ITPR1: variants seen among roughly 807,000 people sequenced by gnomAD.
ITPR1 encodes inositol 1,4,5-trisphosphate-gated calcium channel ITPR1.
A neutral mutation model predicts 318.4 loss-of-function variants in ITPR1; 96 were observed. The ratio of observed to expected loss-of-function variants is 0.30; its 90% confidence interval spans 0.26 to 0.36. The LOEUF (loss-of-function observed/expected upper bound fraction) is 0.36, where lower values mean the gene tolerates loss of function less well. ITPR1 is among the 10% of genes least tolerant of loss of function. The pLI, the probability that ITPR1 is intolerant of heterozygous loss-of-function variation, is 1.00. For missense variants in ITPR1, 2,440 were observed against 3,460.2 expected (o/e 0.71, Z 7.40); for synonymous variants, 1,312 against 1,289.9 (o/e 1.02, Z -0.37).
At chr3:4,645,172 G>A (rs2093426607) in intron 8 of ITPR1, among the ~76,000 whole-genome samples, 1 of 152,214 alleles carries the variant, frequency 6.6e-6, no homozygotes, top group Non-Finnish European at 1.5e-5. Flanking sequence ...TGGTTGGAAT[G>A]TGCATAGTGA....
intron 2 of ITPR1, among the ~76,000 whole-genome samples, chr3:4,504,963 CT>C (rs34078002): frequency 0.016 from 2,345 of 145,512 alleles, 29 homozygotes; most frequent in African/African-American, 0.04. Flanking sequence ...GGGCATACTC[CT>C]TTTTTTTTTT....
intron 30 of ITPR1, among the ~76,000 whole-genome samples, chr3:4,686,597 A>G (rs754952290): frequency 3.9e-5 from 6 of 152,118 alleles, no homozygotes; most frequent in African/African-American, 7.2e-5. Context: ...GGAATTGGTG[A>G]CTCAAAGGAA....
At chr3:4,724,088 A>G (rs1002266969) in intron 40 of ITPR1, among the ~76,000 whole-genome samples, 1 of 151,920 alleles carries the variant, frequency 6.6e-6, no homozygotes, top group Non-Finnish European at 1.5e-5. Flanking sequence ...TGTCCTTCCT[A>G]CCACCAGCAC....
intron 4 of ITPR1, among the ~76,000 whole-genome samples, chr3:4,594,485 G>T (rs371478955): frequency 2.0e-5 from 3 of 152,080 alleles, no homozygotes; most frequent in African/African-American, 7.2e-5. Flanking sequence ...TCCAGGTCTG[G>T]TGTGGCAGCT....
intron 4 of ITPR1, among the ~76,000 whole-genome samples, chr3:4,587,099 C>T (rs569344813): frequency 2.0e-5 from 3 of 152,226 alleles, no homozygotes; most frequent in South Asian, 2.1e-4. Flanking sequence ...TTTCGACGAC[C>T]GGCTTGCTTT....
At chr3:4,766,934 A>C (rs1472871832) in intron 45 of ITPR1, among the ~76,000 whole-genome samples, 1 of 152,228 alleles carries the variant, frequency 6.6e-6, no homozygotes, top group Non-Finnish European at 1.5e-5. Context: ...CTCTTGGTCG[A>C]GCTTAGGGTT....
intron 23 of ITPR1, among the ~76,000 whole-genome samples, 200 bp from the exon 24 acceptor site, chr3:4,676,414 G>A (rs932761122): frequency 6.6e-6 from 1 of 152,128 alleles, no homozygotes; most frequent in Non-Finnish European, 1.5e-5. Flanking sequence ...TGGGGATTTT[G>A]AAGCCCGTGA....
At chr3:4,534,725 A>G (rs2083704476) in intron 4 of ITPR1, among the ~76,000 whole-genome samples, 2 of 152,312 alleles carry the variant, frequency 1.3e-5, no homozygotes, top group South Asian at 2.1e-4. Context: ...TGCTAAAATT[A>G]TATGTGTCTA....
Position 4,826,704 on chromosome 3 carries a change from C to T in ITPR1, c.8028+8462C>T, listed in dbSNP as rs773619395. 2.6e-5 allele frequency among the ~76,000 whole-genome samples: 4 copies of T among 152,188 alleles called. No homozygotes were observed. The highest frequency in any genetic ancestry group is 2.1e-4 in the South Asian group (1 of 4,834). On this transcript the variant is annotated intron_variant, in intron 60 of 61. Transcript: ENST00000649015. This position sits in a 1 kb window ranked among gnomAD's most constrained non-coding sequence, Gnocchi z 4.2. Reference sequence around the variant, plus strand: ...GGGAGGATGAAATCACCCCTTGTTCCGTGCAGCACTTCACTGGCACTTTCC... The same window carrying T: ...GGGAGGATGAAATCACCCCTTGTTCTGTGCAGCACTTCACTGGCACTTTCC...
intron 43 of ITPR1, 23 bp downstream of exon 43, chr3:4,733,243 C>T (rs751500213): frequency 1.2e-6 from 2 of 1,611,944 alleles, no homozygotes; most frequent in Non-Finnish European, 1.7e-6. Context: ...GTGTAATTAC[C>T]TTCGTGTGTG....
intron 26 of ITPR1, 93 bp downstream of exon 26, chr3:4,681,511 C>A: frequency 1.1e-6 from 1 of 885,908 alleles, no homozygotes; most frequent in East Asian, 2.5e-5. Flanking sequence ...AATATTTAGT[C>A]TCTGGGCTTA....
At chr3:4,815,273 C>T in intron 59 of ITPR1, 55 bp downstream of exon 59, 1 of 1,565,670 alleles carries the variant, frequency 6.4e-7, no homozygotes, top group Non-Finnish European at 8.8e-7. Flanking sequence ...GTGGCAGAGG[C>T]ATGTGGATAC....
intron 8 of ITPR1, 101 bp downstream of exon 8, chr3:4,644,335 T>A: frequency 1.3e-6 from 1 of 769,264 alleles, no homozygotes; most frequent in Middle Eastern, 3.3e-4. Flanking sequence ...CAGCAGTGAC[T>A]TGGGGCAGGG....
chr3:4,703,182 T>A (rs1476532452), intron 36 of ITPR1, among the ~76,000 whole-genome samples: 2 of 152,192 alleles, frequency 1.3e-5, no homozygotes, highest in African/African-American at 4.8e-5. Context: ...TAGGCCTAGA[T>A]AAACAAGCTT....
chr3:4,818,090 A>G lies in ITPR1; in HGVS notation c.7876A>G (p.Arg2626Gly). 1 of 1,599,186 alleles carries G rather than the reference A, an allele frequency of 6.3e-7. No individual in the cohort carries two copies. The highest frequency in any genetic ancestry group is 8.6e-7 in the Non-Finnish European group (1 of 1,169,120). Residue 2626 changes from arginine to glycine, a missense_variant, in exon 60 of 62, where the codon AGA (arginine) becomes GGA (glycine). Physicochemically the swap from Arg to Gly is moderately radical, Grantham distance 125. Coordinates refer to ENST00000649015, the MANE Select transcript of ITPR1 (RefSeq NM_001378452.1). ...KTTCFICGLE[R>G]DKFDNKTVTF... ...TTTTGTCTCATTTTTAGGCTTGGAA[A>G]GAGACAAGTTTGACAACAAGACTGT...
At chr3:4,693,133 T>A (rs1043512646) in intron 32 of ITPR1, among the ~76,000 whole-genome samples, 1 of 152,044 alleles carries the variant, frequency 6.6e-6, no homozygotes, top group Admixed American at 6.6e-5. Flanking sequence ...TCAAAAAAAA[T>A]AAATAAGATG....
At chr3:4,666,534 G>C (rs774098497) in intron 17 of ITPR1, among the ~76,000 whole-genome samples, 1 of 152,156 alleles carries the variant, frequency 6.6e-6, no homozygotes, top group African/African-American at 2.4e-5. Flanking sequence ...GTTGTTTTCG[G>C]ATCCTTTACC....
At chr3:4,605,890 T>A (rs774348900) in intron 4 of ITPR1, among the ~76,000 whole-genome samples, 2 of 152,046 alleles carry the variant, frequency 1.3e-5, no homozygotes, top group Admixed American at 6.5e-5. Flanking sequence ...AATCAGAAAG[T>A]GAAGTAGGCA....
intron 4 of ITPR1, among the ~76,000 whole-genome samples, chr3:4,565,290 A>G (rs2087111679): frequency 6.6e-6 from 1 of 152,166 alleles, no homozygotes; most frequent in Admixed American, 6.5e-5. Flanking sequence ...TAGAGTTGAT[A>G]GAATAGTCAC....
Sources: allele counts gnomAD v4.1 joint callset (sites outside exome capture counted in the v4.1 genomes callset), GRCh38; gene constraint gnomAD v4.1.1; non-coding constraint Gnocchi (gnomAD v3.1); transcripts MANE v1.5; gene names NCBI Gene and HGNC (gene_info 2026-07-23, HGNC 2026-07-21).